HPCAL1: variants seen among roughly 807,000 people sequenced by gnomAD.
HPCAL1 encodes hippocalcin like 1.
A neutral mutation model predicts 17.1 loss-of-function variants in HPCAL1; 8 were observed. The ratio of observed to expected loss-of-function variants is 0.47; its 90% CI spans 0.27 to 0.84. The LOEUF (loss-of-function observed/expected upper bound fraction) is 0.84. HPCAL1 is among the 40% of genes least tolerant of loss of function. The probability of loss-of-function intolerance (pLI) is 0.13; values close to 1 mark genes in which losing one functional copy is unlikely to be tolerated. For missense variants in HPCAL1, 165 were observed against 271.1 expected, an observed-to-expected ratio of 0.61 and a Z score of 2.75; for synonymous variants, 112 against 111.4, an observed-to-expected ratio of 1.01 and a Z score of -0.03.
chr2:10,382,272 G>C (rs990871718), intron 1 of HPCAL1, among the ~76,000 whole-genome samples: 1 of 152,154 alleles, frequency 6.6e-6, no homozygotes, highest in Non-Finnish European at 1.5e-5. Flanking sequence ...TGGTTCCTAC[G>C]GGTTAGGAGG....
chr2:10,399,321 A>T (rs1443965022), intron 2 of HPCAL1, among the ~76,000 whole-genome samples: 21 of 139,222 alleles, frequency 1.5e-4, no homozygotes, highest in East Asian at 2.1e-4. Context: ...CACCACCACC[A>T]CCATCACCAC....
intron 2 of HPCAL1, among the ~76,000 whole-genome samples, chr2:10,415,051 T>C (rs761200907): frequency 2.6e-5 from 4 of 152,210 alleles, no homozygotes; most frequent in Admixed American, 6.5e-5. Context: ...TTTTGAAGCC[T>C]AGGAATGACC....
chr2:10,368,023 G>C (rs1484027889), intron 1 of HPCAL1, among the ~76,000 whole-genome samples: 1 of 152,022 alleles, frequency 6.6e-6, no homozygotes, highest in Non-Finnish European at 1.5e-5. Context: ...TTGTAGATGT[G>C]TGTGCATATG....
chr2:10,389,869 A>G (rs1372661106), intron 1 of HPCAL1, among the ~76,000 whole-genome samples: 2 of 152,186 alleles, frequency 1.3e-5, no homozygotes, highest in African/African-American at 4.8e-5. Context: ...TTTGTCTTGG[A>G]CATGTGTCCT....
intron 2 of HPCAL1, chr2:10,408,452 TCCAGAAATGAGC>T (rs1670111733): frequency 6.6e-6 from 1 of 152,248 alleles, no homozygotes. Flanking sequence ...CAGGAAGGCC[TCCAGAAATGAGC>T]TCTAGGTCAG....
chr2:10,331,001 C>A lies in HPCAL1; in HGVS notation c.-111+27824C>A, dbSNP rs936481957. On this transcript the variant is annotated intron_variant, in intron 1 of 4. Transcript: ENST00000307845. This position sits in a 1 kb window ranked among gnomAD's most constrained non-coding sequence, Gnocchi z 5.0. ...GCTTGTGCCTCCTTTGCAGCCCCGG[C>A]CTCTCCAGTTCTCTGTGTCTTGCCA... Among the ~76,000 whole-genome samples the A allele has an allele frequency of 5.3e-5, 8 of 152,152 alleles. No homozygotes were observed. Among genetic ancestry groups the A allele is most frequent in the African/African-American group, 1.9e-4 (8 of 41,420 alleles).
intron 1 of HPCAL1, among the ~76,000 whole-genome samples, chr2:10,364,091 G>A (rs932284459): frequency 2.0e-5 from 3 of 152,202 alleles, no homozygotes; most frequent in African/African-American, 7.2e-5. Flanking sequence ...CTCAGTTTGG[G>A]AGGAGCTTGC....
Position 10,331,903 on chromosome 2 carries a change from A to C in HPCAL1, c.-111+28726A>C, listed in dbSNP as rs1238706636. On this transcript the variant is annotated intron_variant, in intron 1 of 4. Transcript: ENST00000307845. The surrounding 1 kb of genome is among the most constrained non-coding windows in gnomAD (Gnocchi z 5.0). ...CTGTGTCACCTGTTGATTCAGAGGG[A>C]GCTCTCCTCATCACCTGTTGTCATT... Among the ~76,000 whole-genome samples the C allele has an allele frequency of 6.6e-6, 1 of 151,198 alleles. No homozygotes were observed. The highest frequency in any genetic ancestry group is 1.5e-5 in the Non-Finnish European group (1 of 67,890).
rs530428736 is a variant in HPCAL1, at chr2:10,363,585, T to C, written c.-110-33250T>C. Among the ~76,000 whole-genome samples the C allele has an allele frequency of 6.6e-6, 1 of 152,298 alleles. No individual in the cohort carries two copies. The highest frequency in any genetic ancestry group is 2.4e-5 in the African/African-American group (1 of 41,562). ...GGGAAGTGTGTGACCCGAAGCCTCC[T>C]CCTGTCAGAACCACCGGGGAGCTCA... On this transcript the variant is annotated intron_variant, in intron 1 of 4. Transcript: ENST00000307845. This position sits in a 1 kb window ranked among gnomAD's most constrained non-coding sequence, Gnocchi z 4.7.
intron 1 of HPCAL1, among the ~76,000 whole-genome samples, chr2:10,321,157 G>C (rs1349450268): frequency 1.3e-5 from 2 of 152,156 alleles, no homozygotes; most frequent in Non-Finnish European, 2.9e-5. Flanking sequence ...GGAAGGTGAC[G>C]GGGGAGCAGG....
At chr2:10,407,720 T>C (rs1387468387) in intron 2 of HPCAL1, among the ~76,000 whole-genome samples, 1 of 152,082 alleles carries the variant, frequency 6.6e-6, no homozygotes, top group Admixed American at 6.5e-5. Context: ...TTGCAGACAC[T>C]GAGGGGAAGG....
chr2:10,310,985 G>A lies in HPCAL1; in HGVS notation c.-111+7808G>A, dbSNP rs11695971. Among the ~76,000 whole-genome samples the A allele has an allele frequency of 0.67, 101,693 of 151,978 alleles. 34,262 individuals are homozygous for A. Among genetic ancestry groups the A allele is most frequent in the East Asian group, 0.91 (4,715 of 5,180 alleles). ...TTTTGGAGAGAAGTGAGAACCTCTC[G>A]AAATCGATCACCTATGTTGAAAAAA... On this transcript the variant is annotated intron_variant, in intron 1 of 4. Coordinates refer to ENST00000307845, the MANE Select transcript of HPCAL1 (RefSeq NM_002149.4). This position sits in a 1 kb window ranked among gnomAD's most constrained non-coding sequence, Gnocchi z 4.5.
Position 10,399,869 on chromosome 2 carries a change from G to A in HPCAL1, c.-25+2949G>A, listed in dbSNP as rs116420139. 9.0e-3 allele frequency among the ~76,000 whole-genome samples: 1,370 copies of A among 152,302 alleles called. 19 individuals are homozygous for A. Among genetic ancestry groups the A allele is most frequent in the African/African-American group, 0.031 (1,303 of 41,550 alleles). ...GTTCCTTCCCTTGAGGTGGGTTCAT[G>A]GAGCACGTACCCTGTGTCAGACAAG... On this transcript the variant is annotated intron_variant, in intron 2 of 4. Transcript: ENST00000307845.
intron 2 of HPCAL1, among the ~76,000 whole-genome samples, chr2:10,399,484 TCACCGC>T (rs1669402109): frequency 2.9e-5 from 1 of 34,330 alleles, no homozygotes; most frequent in Non-Finnish European, 6.7e-5. Context: ...ATCACCACCA[TCACCGC>T]CACCATCACC....
intron 2 of HPCAL1, among the ~76,000 whole-genome samples, chr2:10,399,493 CCAT>C (rs1361200939): frequency 5.1e-4 from 57 of 111,492 alleles, no homozygotes; most frequent in African/African-American, 1.8e-3. Flanking sequence ...ATCACCGCCA[CCAT>C]CACCATCACC....
intron 2 of HPCAL1, among the ~76,000 whole-genome samples, chr2:10,399,454 C>T (rs1380006855): frequency 7.3e-5 from 7 of 96,192 alleles, no homozygotes; most frequent in East Asian, 3.3e-4. Context: ...ACCATCACCA[C>T]CACCACCACC....
intron 1 of HPCAL1, among the ~76,000 whole-genome samples, chr2:10,361,603 G>C (rs1666530337): frequency 6.6e-6 from 1 of 152,108 alleles, no homozygotes; most frequent in Non-Finnish European, 1.5e-5. Flanking sequence ...ATATATCAGA[G>C]GGCTAGGATT....
intron 2 of HPCAL1, among the ~76,000 whole-genome samples, chr2:10,411,717 T>G (rs929280906): frequency 6.6e-6 from 1 of 152,200 alleles, no homozygotes; most frequent in East Asian, 1.9e-4. Flanking sequence ...TGGAATACAC[T>G]GAGCACCCCG....
intron 1 of HPCAL1, chr2:10,368,865 C>A (rs139748089): frequency 6.6e-6 from 1 of 152,322 alleles, no homozygotes; most frequent in African/African-American, 2.4e-5. Context: ...CTTGCGGAAT[C>A]CAGGAATAGA....
Sources: allele counts gnomAD v4.1 joint callset (sites outside exome capture counted in the v4.1 genomes callset), GRCh38; gene constraint gnomAD v4.1.1; non-coding constraint Gnocchi (gnomAD v3.1); transcripts MANE v1.5; gene names NCBI Gene and HGNC (gene_info 2026-07-23, HGNC 2026-07-21).